Variants in FAM219A observed in about 807,000 individuals in gnomAD.
The protein encoded by FAM219A is family with sequence similarity 219 member A.
A neutral mutation model predicts 23.4 loss-of-function variants in FAM219A; 7 were observed. The observed-to-expected ratio is 0.30, with a 90% CI of 0.17 to 0.56. FAM219A has a LOEUF of 0.56. Ranked by LOEUF, FAM219A falls within the 20% of genes least tolerant of loss-of-function variation. The pLI, the probability that FAM219A is intolerant of heterozygous loss-of-function variation, is 0.92. For missense variants in FAM219A, 166 were observed against 246.9 expected (o/e 0.67, Z 2.20); for synonymous variants, 93 against 99.0 (o/e 0.94, Z 0.36).
chr9:34,407,604 G>A (rs535140404), intron 1 of FAM219A, among the ~76,000 whole-genome samples: 1 of 152,316 alleles, frequency 6.6e-6, no homozygotes, highest in African/African-American at 2.4e-5. Flanking sequence ...AACATGATTT[G>A]GGCTTGGAGT....
At chr9:34,437,323 C>T (rs963994508) in intron 1 of FAM219A, among the ~76,000 whole-genome samples, 12 of 152,164 alleles carry the variant, frequency 7.9e-5, no homozygotes, top group African/African-American at 2.9e-4. Flanking sequence ...TACAAAGGAT[C>T]CATGGAAACA....
At chr9:34,427,145 A>C (rs765589177) in intron 1 of FAM219A, among the ~76,000 whole-genome samples, 1 of 151,988 alleles carries the variant, frequency 6.6e-6, no homozygotes, top group Non-Finnish European at 1.5e-5. Flanking sequence ...AAATTTTACT[A>C]CATCCTTCAG....
chr9:34,451,547 C>T (rs192832804), intron 1 of FAM219A, among the ~76,000 whole-genome samples: 21 of 148,776 alleles, frequency 1.4e-4, no homozygotes, highest in Admixed American at 1.1e-3. Context: ...TTTCCAGACA[C>T]GAGGCTCCAC....
intron 1 of FAM219A, among the ~76,000 whole-genome samples, chr9:34,448,251 C>G (rs1823438962): frequency 1.3e-5 from 2 of 152,166 alleles, no homozygotes; most frequent in East Asian, 3.8e-4. Context: ...CTAACATCCC[C>G]AAGAGTTCCC....
intron 1 of FAM219A, among the ~76,000 whole-genome samples, chr9:34,456,949 T>C (rs193215313): frequency 6.6e-6 from 1 of 152,302 alleles, no homozygotes; most frequent in East Asian, 1.9e-4. Flanking sequence ...TCTTGGCTGC[T>C]GTAATGGGTA....
chr9:34,416,589 C>T (rs1211948165), intron 1 of FAM219A, among the ~76,000 whole-genome samples: 1 of 151,926 alleles, frequency 6.6e-6, no homozygotes, highest in Non-Finnish European at 1.5e-5. Flanking sequence ...CATGGCAAAA[C>T]CCCTTCTCTA....
intron 1 of FAM219A, among the ~76,000 whole-genome samples, chr9:34,431,714 A>T (rs1229869821): frequency 1.3e-5 from 2 of 152,190 alleles, no homozygotes; most frequent in Admixed American, 6.5e-5. Context: ...CTCTCTAAGA[A>T]AAGCTAATAA....
intron 1 of FAM219A, among the ~76,000 whole-genome samples, chr9:34,425,655 G>A (rs761315280): frequency 1.7e-4 from 26 of 152,206 alleles, no homozygotes; most frequent in Non-Finnish European, 2.8e-4. Flanking sequence ...TCTCCTGCAT[G>A]CAAACACTGA....
rs751835421 is a variant in FAM219A at position 34,402,855 on chromosome 9, C to T, written c.161-48G>A. On this transcript the variant is annotated intron_variant, in intron 2 of 5. Transcript: ENST00000651358. ...AGCTGTGTCCTGCCCCTGAGGCCACCCTGTCTTACTACTCAGGGCAGCCTG... is the reference window on the plus strand; with the variant it reads ...AGCTGTGTCCTGCCCCTGAGGCCACTCTGTCTTACTACTCAGGGCAGCCTG... The T allele has an allele frequency of 3.2e-6, 5 of 1,570,828 alleles. No individual in the cohort carries two copies. The African/African-American group carries it at 4.0e-5, about 13-fold the overall frequency.
At chr9:34,431,871 T>C (rs1822720027) in intron 1 of FAM219A, among the ~76,000 whole-genome samples, 1 of 152,148 alleles carries the variant, frequency 6.6e-6, no homozygotes, top group Non-Finnish European at 1.5e-5. Context: ...GGTCCTTGGG[T>C]GTATGTGCAT....
At chr9:34,439,108 C>T (rs1373791632) in intron 1 of FAM219A, among the ~76,000 whole-genome samples, 12 of 152,174 alleles carry the variant, frequency 7.9e-5, no homozygotes, top group African/African-American at 2.9e-4. Context: ...AGCGAGACCA[C>T]GAACCCACCA....
At chr9:34,433,339 A>G (rs751157542) in intron 1 of FAM219A, among the ~76,000 whole-genome samples, 2 of 152,128 alleles carry the variant, frequency 1.3e-5, no homozygotes, top group Non-Finnish European at 2.9e-5. Flanking sequence ...CTAATCATGA[A>G]CCTAGAAGGT....
rs928330722 is a variant in FAM219A, at chr9:34,400,883, C to T, written c.*81G>A. The T allele has an allele frequency of 2.9e-5, 40 of 1,391,650 alleles. No homozygotes were observed. The highest frequency in any genetic ancestry group is 3.7e-5 in the Non-Finnish European group (39 of 1,062,468). The allele number at this position is 1,391,650 out of a possible 1,614,324, so 86.2% of individuals were successfully genotyped here. Reference sequence around the variant, plus strand: ...GGGCGCGGGGCCGGGGGCAGGCAGACGAGCTGGGAAGGGGTCGGCCTCTGC... The same window carrying T: ...GGGCGCGGGGCCGGGGGCAGGCAGATGAGCTGGGAAGGGGTCGGCCTCTGC... On this transcript the variant is annotated 3_prime_UTR_variant, in exon 6 of 6. Coordinates refer to ENST00000651358, the MANE Select transcript of FAM219A (RefSeq NM_001184940.2).
At chr9:34,402,124 G>A (rs1821464394) in intron 4 of FAM219A, 1 of 1,436,114 alleles carries the variant, frequency 7.0e-7, no homozygotes, top group Non-Finnish European at 9.1e-7. Context: ...CAACATCACA[G>A]GCCAATTAGG....
intron 2 of FAM219A, 93 bp downstream of exon 2, chr9:34,405,772 C>T: frequency 8.0e-7 from 1 of 1,251,594 alleles, no homozygotes; most frequent in South Asian, 1.3e-5. Context: ...ATCATCTAGG[C>T]TGAGCTGGTT....
Position 34,458,135 on chromosome 9 carries a change from C to A in FAM219A, c.60+69G>T, listed in dbSNP as rs1479968402. ...CGCCCCTCCGCACGATCCCCCCGGC[C>A]TGATTCCCTCCCTCCCCCTCAAGCG... is the stretch of plus-strand genomic sequence containing the variant. On this transcript the variant is annotated intron_variant, in intron 1 of 5. Transcript: ENST00000651358. The surrounding 1 kb of genome is among the most constrained non-coding windows in gnomAD (Gnocchi z 6.6). The A allele has an allele frequency of 7.0e-7, 1 of 1,431,168 alleles. No homozygotes were observed. The highest frequency in any genetic ancestry group is 9.3e-7 in the Non-Finnish European group (1 of 1,072,290). The allele number at this position is 1,431,168 out of a possible 1,614,324, so 88.7% of individuals were successfully genotyped here. A position where few individuals can be genotyped will look rare whatever the true frequency, so the allele number is the denominator to read the frequency against.
intron 1 of FAM219A, among the ~76,000 whole-genome samples, chr9:34,422,829 A>G (rs1006795930): frequency 2.6e-5 from 4 of 152,196 alleles, no homozygotes; most frequent in Admixed American, 6.5e-5. Context: ...CTACATTTTA[A>G]GGGCATCTAT....
intron 5 of FAM219A, 94 bp from the exon 6 acceptor site, chr9:34,401,216 GC>G: frequency 6.9e-7 from 1 of 1,452,272 alleles, no homozygotes; most frequent in Non-Finnish European, 9.4e-7. Context: ...CCCCAGTCCA[GC>G]CAGTGCCCTG....
At chr9:34,449,772 C>A (rs1374865545) in intron 1 of FAM219A, among the ~76,000 whole-genome samples, 2 of 152,170 alleles carry the variant, frequency 1.3e-5, no homozygotes, top group Non-Finnish European at 2.9e-5. Flanking sequence ...CTGAATTAAA[C>A]AAAGTTGAAA....
Sources: allele counts gnomAD v4.1 joint callset (sites outside exome capture counted in the v4.1 genomes callset), GRCh38; gene constraint gnomAD v4.1.1; non-coding constraint Gnocchi (gnomAD v3.1); transcripts MANE v1.5; gene names NCBI Gene and HGNC (gene_info 2026-07-23, HGNC 2026-07-21).